The following ACTL8 variants were observed in gnomAD, a reference collection of about 807,000 sequenced individuals.
ACTL8 encodes actin like 8, also known as actin-like protein 8.
In ACTL8, 3 loss-of-function variants were observed where a neutral mutation model predicts 9.3. The observed-to-expected ratio is 0.32, with a 90% CI of 0.15 to 0.83. The LOEUF is 0.83. ACTL8 is among the 40% of genes least tolerant of loss of function. The probability of loss-of-function intolerance (pLI) is 0.57; values close to 1 mark genes in which losing one functional copy is unlikely to be tolerated. For synonymous variants in ACTL8, 224 were observed against 205.9 expected (o/e 1.09, Z -0.75); for missense variants, 381 against 492.2 (o/e 0.77, Z 2.14).
intron 1 of ACTL8, among the ~76,000 whole-genome samples, chr1:17,787,669 C>T (rs1337890359): frequency 7.1e-6 from 1 of 140,146 alleles, no homozygotes; most frequent in Admixed American, 8.2e-5. Flanking sequence ...TTTCATTTCT[C>T]ATTTTTTTTT....
In ACTL8 at chr1:17,760,711, T is replaced by C. The variant is rs527933853; in HGVS notation, c.-25+5207T>C. On this transcript the variant is annotated intron_variant, in intron 1 of 2. Transcript: ENST00000375406. Reference sequence around the variant, plus strand: ...CTGGGCACTTTCTGATGCCTTCTTGTGGCATCCCTCAGAGGAGTGGGTGGA... The same window carrying C: ...CTGGGCACTTTCTGATGCCTTCTTGCGGCATCCCTCAGAGGAGTGGGTGGA... Among the ~76,000 whole-genome samples the C allele has an allele frequency of 2.7e-4, 37 of 139,122 alleles. 1 individual carries two copies. The South Asian group carries it at 7.7e-3, about 29-fold the overall frequency. The allele number at this position is 139,122 out of a possible 152,430, so 91.3% of individuals were successfully genotyped here.
Position 17,823,161 on chromosome 1 carries a change from G to A in ACTL8, c.153G>A (p.Val51=). Residue 51 remains valine (V), a synonymous_variant, in exon 2 of 3, where the codon GTG becomes GTA. Coordinates refer to ENST00000375406, the MANE Select transcript of ACTL8 (RefSeq NM_030812.3). This position sits in a 1 kb window ranked among gnomAD's most constrained non-coding sequence, Gnocchi z 5.3. ...NPGPSYARRR[V]SLGIDICHPD... ...GCCCCAGCTATGCCCGTAGGCGTGT[G>A]AGCCTGGGCATCGACATTTGCCATC... is the stretch of plus-strand genomic sequence containing the variant. 6.2e-7 allele frequency: 1 copy of A among 1,614,232 alleles called. No homozygotes were observed. The highest frequency in any genetic ancestry group is 8.5e-7 in the Non-Finnish European group (1 of 1,180,054).
At chr1:17,811,170 T>G (rs2066391314) in intron 1 of ACTL8, among the ~76,000 whole-genome samples, 1 of 152,230 alleles carries the variant, frequency 6.6e-6, no homozygotes. Context: ...TTTTATGGTT[T>G]TAATTTGTTT....
At chr1:17,796,306 CTGTGTG>C (rs3063168) in intron 1 of ACTL8, among the ~76,000 whole-genome samples, 48 of 148,054 alleles carry the variant, frequency 3.2e-4, no homozygotes, top group African/African-American at 1.1e-3. Context: ...ATGCGTGCAC[CTGTGTG>C]TGTGTGTGTG....
Position 17,774,863 on chromosome 1 carries a change from C to T in ACTL8, c.-25+19359C>T, listed in dbSNP as rs546608684. ...GGTTTGACTCTAGCATCTTTGTCTA[C>T]GTCTCCCAGGAGATGATGCTCCTCT... On this transcript the variant is annotated intron_variant, in intron 1 of 2. Coordinates refer to ENST00000375406, the MANE Select transcript of ACTL8 (RefSeq NM_030812.3). Among the ~76,000 whole-genome samples the T allele has an allele frequency of 9.2e-5, 14 of 152,304 alleles. No individual in the cohort carries two copies. In the East Asian group the frequency reaches 1.7e-3, roughly 19 times the overall value.
chr1:17,788,738 G>A (rs577669775), intron 1 of ACTL8, among the ~76,000 whole-genome samples: 1 of 152,338 alleles, frequency 6.6e-6, no homozygotes, highest in East Asian at 1.9e-4. Flanking sequence ...TGGGCATGTG[G>A]GGAGGTGTAC....
At chr1:17,780,930 A>G (rs1383584159) in intron 1 of ACTL8, among the ~76,000 whole-genome samples, 1 of 152,132 alleles carries the variant, frequency 6.6e-6, no homozygotes, top group Non-Finnish European at 1.5e-5. Flanking sequence ...GGCTGTGTTA[A>G]TTTCCTTTGG....
intron 2 of ACTL8, among the ~76,000 whole-genome samples, chr1:17,824,603 A>G (rs1272136232): frequency 6.6e-6 from 1 of 152,186 alleles, no homozygotes; most frequent in East Asian, 1.9e-4. Context: ...TAAATTACAA[A>G]TAATGTCTTA....
intron 1 of ACTL8, among the ~76,000 whole-genome samples, chr1:17,772,570 C>T (rs1040866805): frequency 2.6e-5 from 4 of 152,212 alleles, no homozygotes; most frequent in African/African-American, 9.7e-5. Flanking sequence ...TCTGACCACA[C>T]AAACTCAGCA....
rs558378494 is a variant in ACTL8 at position 17,815,921 on chromosome 1, C to T, written c.-24-7064C>T. On this transcript the variant is annotated intron_variant, in intron 1 of 2. Transcript: ENST00000375406. ...AAAATCCCCTTACTCATTCCTCTGT[C>T]GTCTCTATTCTATGGAGCAGAACTT... 1.2e-4 allele frequency among the ~76,000 whole-genome samples: 19 copies of T among 152,170 alleles called. No homozygotes were observed. The South Asian group carries it at 2.5e-3, about 20-fold the overall frequency.
At chr1:17,779,406 A>T (rs375288168) in intron 1 of ACTL8, among the ~76,000 whole-genome samples, 1 of 152,250 alleles carries the variant, frequency 6.6e-6, no homozygotes, top group East Asian at 1.9e-4. Context: ...CTGCTTCCCC[A>T]CATTATAGCT....
At chr1:17,789,209 C>T (rs1249456644) in intron 1 of ACTL8, among the ~76,000 whole-genome samples, 1 of 152,040 alleles carries the variant, frequency 6.6e-6, no homozygotes, top group East Asian at 1.9e-4. Flanking sequence ...AGCCCTTGGT[C>T]CTCTTACCTT....
At chr1:17,779,124 C>T (rs2066135504) in intron 1 of ACTL8, among the ~76,000 whole-genome samples, 1 of 152,166 alleles carries the variant, frequency 6.6e-6, no homozygotes, top group Non-Finnish European at 1.5e-5. Flanking sequence ...TCCAGATGTG[C>T]TAAACGACTC....
intron 1 of ACTL8, among the ~76,000 whole-genome samples, chr1:17,786,472 A>G (rs2102685752): frequency 6.6e-6 from 1 of 152,304 alleles, no homozygotes; most frequent in East Asian, 1.9e-4. Context: ...TTGTGGTTCT[A>G]GGCTGTGTTC....
intron 1 of ACTL8, among the ~76,000 whole-genome samples, chr1:17,815,701 C>T (rs2066422029): frequency 6.6e-6 from 1 of 152,078 alleles, no homozygotes. Context: ...GTAGATTTGT[C>T]TTTGACCAAA....
At chr1:17,812,356 C>T (rs1363082594) in intron 1 of ACTL8, among the ~76,000 whole-genome samples, 2 of 151,316 alleles carry the variant, frequency 1.3e-5, no homozygotes, top group African/African-American at 2.4e-5. Flanking sequence ...TATAAAGCAG[C>T]TTAGGTAGAA....
At chr1:17,763,259 T>C (rs532961314) in intron 1 of ACTL8, among the ~76,000 whole-genome samples, 2 of 150,808 alleles carry the variant, frequency 1.3e-5, no homozygotes, top group East Asian at 2.0e-4. Context: ...GGAGCGGGAG[T>C]GTGTGGGGGC....
At chr1:17,807,077 A>G (rs2102695988) in intron 1 of ACTL8, among the ~76,000 whole-genome samples, 1 of 152,270 alleles carries the variant, frequency 6.6e-6, no homozygotes, top group South Asian at 2.1e-4. Context: ...GCATCTGCAC[A>G]TCTTTCTCTG....
intron 1 of ACTL8, among the ~76,000 whole-genome samples, chr1:17,785,460 A>G (rs1578214): frequency 0.16 from 24,831 of 152,184 alleles, 2,078 homozygotes; most frequent in East Asian, 0.19. Context: ...GTCCTGGGAG[A>G]TAAGAGGACG....
Sources: allele counts gnomAD v4.1 joint callset (sites outside exome capture counted in the v4.1 genomes callset), GRCh38; gene constraint gnomAD v4.1.1; non-coding constraint Gnocchi (gnomAD v3.1); transcripts MANE v1.5; gene names NCBI Gene and HGNC (gene_info 2026-07-23, HGNC 2026-07-21).